ADGRL2: variants seen among roughly 807,000 people sequenced by gnomAD.
ADGRL2 encodes calcium-independent alpha-latrotoxin receptor 2.
In ADGRL2, 44 loss-of-function variants were observed where a neutral mutation model predicts 157.4. The ratio of observed to expected loss-of-function variants is 0.28; its 90% confidence interval spans 0.22 to 0.36. The LOEUF is 0.36. Ranked by LOEUF, ADGRL2 falls within the 10% of genes least tolerant of loss-of-function variation. The pLI is 1.00. For missense variants in ADGRL2, 1,510 were observed against 1,768.9 expected, an observed-to-expected ratio of 0.85 and a Z score of 2.63; for synonymous variants, 585 against 624.7, an observed-to-expected ratio of 0.94 and a Z score of 0.95.
At chr1:81,939,858 C>A (rs1195182054) in intron 4 of ADGRL2, among the ~76,000 whole-genome samples, 8 of 151,126 alleles carry the variant, frequency 5.3e-5, no homozygotes, top group Non-Finnish European at 1.2e-4. Context: ...AACGTAGGGA[C>A]TTTTTTGTTG....
intron 1 of ADGRL2, among the ~76,000 whole-genome samples, chr1:81,724,523 C>A (rs2084445568): frequency 2.0e-5 from 3 of 152,126 alleles, no homozygotes; most frequent in Non-Finnish European, 4.4e-5. Flanking sequence ...ATCCTACCCC[C>A]ACCTCCGCTT....
intron 22 of ADGRL2, chr1:81,987,242 T>G (rs555146057): frequency 1.4e-4 from 214 of 1,490,408 alleles, no homozygotes; most frequent in Middle Eastern, 5.9e-4. Flanking sequence ...ACAATAATGA[T>G]CCATGTTTTT....
intron 6 of ADGRL2, among the ~76,000 whole-genome samples, chr1:81,946,147 C>A (rs765880621): frequency 3.9e-5 from 6 of 152,096 alleles, no homozygotes; most frequent in Non-Finnish European, 8.8e-5. Flanking sequence ...GTCATCTGTG[C>A]TGGATTTGCT....
intron 1 of ADGRL2, among the ~76,000 whole-genome samples, chr1:81,319,757 T>A (rs1307647787): frequency 1.3e-5 from 2 of 152,200 alleles, no homozygotes; most frequent in Non-Finnish European, 2.9e-5. Flanking sequence ...CATATTGTCT[T>A]CTAAGCCCTC....
chr1:81,853,362 T>C (rs2093085712), intron 2 of ADGRL2, among the ~76,000 whole-genome samples: 1 of 152,124 alleles, frequency 6.6e-6, no homozygotes, highest in Non-Finnish European at 1.5e-5. Flanking sequence ...CGACTGCAGG[T>C]GCTTATGTGG....
chr1:81,922,197 G>A (rs971478006), intron 3 of ADGRL2, among the ~76,000 whole-genome samples: 7 of 152,056 alleles, frequency 4.6e-5, no homozygotes, highest in Admixed American at 2.0e-4. Flanking sequence ...GGCCTGAGAG[G>A]GGAAAAAATA....
At chr1:81,455,221 A>C (rs1159883209) in intron 2 of ADGRL2, among the ~76,000 whole-genome samples, 1 of 152,188 alleles carries the variant, frequency 6.6e-6, no homozygotes, top group African/African-American at 2.4e-5. Flanking sequence ...GTATCAAAGC[A>C]CAAATTGGTA....
intron 2 of ADGRL2, among the ~76,000 whole-genome samples, chr1:81,478,010 T>C (rs904264893): frequency 6.6e-6 from 1 of 152,078 alleles, no homozygotes; most frequent in Non-Finnish European, 1.5e-5. Flanking sequence ...GCATTTTTTG[T>C]ATATTTGAGA....
chr1:81,580,326 A>G (rs2080881749), intron 2 of ADGRL2, among the ~76,000 whole-genome samples: 1 of 152,034 alleles, frequency 6.6e-6, no homozygotes, highest in Non-Finnish European at 1.5e-5. Flanking sequence ...CATTGTATTG[A>G]TAAGTACAAA....
intron 3 of ADGRL2, among the ~76,000 whole-genome samples, chr1:81,679,826 G>C (rs777996039): frequency 1.3e-5 from 2 of 152,130 alleles, no homozygotes; most frequent in African/African-American, 4.8e-5. Flanking sequence ...TTTTAATTTA[G>C]TTAGTAATTT....
intron 2 of ADGRL2, among the ~76,000 whole-genome samples, chr1:81,475,074 CCTT>C (rs2078245281): frequency 6.6e-6 from 1 of 152,118 alleles, no homozygotes. Context: ...AAGTCTTTAG[CCTT>C]CTATTTCCTT....
chr1:81,598,242 C>T (rs1227367569), intron 3 of ADGRL2, among the ~76,000 whole-genome samples: 8 of 152,104 alleles, frequency 5.3e-5, no homozygotes, highest in Non-Finnish European at 1.2e-4. Context: ...TTTATCCAAC[C>T]AGAGTTACAC....
Position 81,363,825 on chromosome 1 carries a change from C to T in ADGRL2, c.-302+57316C>T, listed in dbSNP as rs562151746. On this transcript the variant is annotated intron_variant, in intron 1 of 24. Coordinates refer to the ADGRL2 transcript ENST00000370721. ...TGGGAGACAAATTTCTGCTTCTATA[C>T]ATTGTACTTGGAAAACAACAATATA... 8.5e-5 allele frequency among the ~76,000 whole-genome samples: 13 copies of T among 152,142 alleles called. No homozygotes were observed. In the South Asian group the frequency reaches 2.7e-3, roughly 32 times the overall value.
intron 1 of ADGRL2, among the ~76,000 whole-genome samples, chr1:81,387,376 T>C (rs1272979436): frequency 6.6e-6 from 1 of 152,180 alleles, no homozygotes; most frequent in East Asian, 1.9e-4. Context: ...AGGAAAGTTT[T>C]TTTAAGTTTC....
intron 1 of ADGRL2, among the ~76,000 whole-genome samples, chr1:81,360,774 G>T (rs1461679705): frequency 6.6e-6 from 1 of 151,830 alleles, no homozygotes; most frequent in African/African-American, 2.4e-5. Flanking sequence ...GGAAGAAAAA[G>T]AAATTACACA....
At chr1:81,435,616 T>A (rs1190593370) in intron 1 of ADGRL2, among the ~76,000 whole-genome samples, 2 of 152,232 alleles carry the variant, frequency 1.3e-5, no homozygotes, top group African/African-American at 4.8e-5. Context: ...TATATATATT[T>A]AATTCAAGAT....
intron 1 of ADGRL2, among the ~76,000 whole-genome samples, chr1:81,322,773 C>A (rs1660616320): frequency 6.6e-6 from 1 of 152,040 alleles, no homozygotes; most frequent in Admixed American, 6.6e-5. Flanking sequence ...GTAAAATAAC[C>A]AAGTGGTTGA....
Position 81,306,603 on chromosome 1 carries a change from T to A in ADGRL2, c.-302+94T>A, listed in dbSNP as rs544277822. 5 of 152,286 alleles carry A rather than the reference T, an allele frequency of 3.3e-5. No homozygotes were observed. The East Asian group carries it at 9.7e-4, about 29-fold the overall frequency. 9.4% of individuals were successfully genotyped at this position (152,286 alleles called of 1,614,324 possible). On this transcript the variant is annotated intron_variant, in intron 1 of 24. Transcript: ENST00000370721. Reference sequence around the variant, plus strand: ...TGAATGCTTTATATTGTTGCTGGCATTAGGTACAAATACTGTGATTCCAGG... The same window carrying A: ...TGAATGCTTTATATTGTTGCTGGCAATAGGTACAAATACTGTGATTCCAGG...
At chr1:81,948,323 A>C (rs1214213590) in intron 6 of ADGRL2, among the ~76,000 whole-genome samples, 3 of 152,058 alleles carry the variant, frequency 2.0e-5, no homozygotes, top group Non-Finnish European at 2.9e-5. Context: ...TTGCACATTT[A>C]ATTGAGGTCC....
Sources: allele counts gnomAD v4.1 joint callset (sites outside exome capture counted in the v4.1 genomes callset), GRCh38; gene constraint gnomAD v4.1.1; transcripts MANE v1.5; gene names NCBI Gene and HGNC (gene_info 2026-07-23, HGNC 2026-07-21).